MAOB: variants seen among roughly 807,000 people sequenced by gnomAD.
MAOB encodes monoamine oxidase B.
Under a neutral mutation model 41.9 loss-of-function variants are expected in MAOB, and 15 were observed. The ratio of observed to expected loss-of-function variants is 0.36; its 90% confidence interval spans 0.24 to 0.55. The LOEUF (loss-of-function observed/expected upper bound fraction) is 0.55. Among genes scored for constraint, MAOB ranks in the 20% least tolerant of loss-of-function variants. The probability of loss-of-function intolerance (pLI) is 0.86; values close to 1 mark genes in which losing one functional copy is unlikely to be tolerated. For missense variants in MAOB, 345 were observed against 398.7 expected (o/e 0.87, Z 1.15); for synonymous variants, 167 against 144.2 (o/e 1.16, Z -1.13).
At chrX:43,877,091 C>A (rs755315593) in intron 1 of MAOB, among the ~76,000 whole-genome samples, 1 of 112,329 alleles carries the variant, frequency 8.9e-6, no homozygotes, top group South Asian at 3.7e-4. Flanking sequence ...GAAATAGATA[C>A]CATTATTATC....
intron 1 of MAOB, among the ~76,000 whole-genome samples, chrX:43,867,368 C>T (rs1332397882): frequency 8.9e-6 from 1 of 111,802 alleles, no homozygotes; most frequent in Non-Finnish European, 1.9e-5. Context: ...TTTTAGAATG[C>T]CCAGTTAATA....
chrX:43,868,855 TTGTGTG>T (rs113529000), intron 1 of MAOB, among the ~76,000 whole-genome samples: 1 of 103,787 alleles, frequency 9.6e-6, no homozygotes, highest in Non-Finnish European at 2.0e-5. Flanking sequence ...ACATCAATTC[TTGTGTG>T]TGTGTGTGTG....
At chrX:43,782,015 A>T (rs182486017) in intron 8 of MAOB, among the ~76,000 whole-genome samples, 36 of 112,137 alleles carry the variant, frequency 3.2e-4, no homozygotes, top group Non-Finnish European at 1.9e-4. Context: ...TTATAGCACT[A>T]AATGCCCATA....
intron 2 of MAOB, among the ~76,000 whole-genome samples, chrX:43,842,855 A>C (rs955359386): frequency 8.9e-5 from 10 of 111,849 alleles, no homozygotes; most frequent in African/African-American, 2.6e-4. Flanking sequence ...AAACACGTTG[A>C]ATTCATAGAA....
chrX:43,786,614 T>C (rs1031985181), intron 8 of MAOB, among the ~76,000 whole-genome samples: 19 of 111,797 alleles, frequency 1.7e-4, no homozygotes, highest in African/African-American at 6.2e-4. Context: ...AGAACCATCT[T>C]AGGAATCCCC....
intron 1 of MAOB, among the ~76,000 whole-genome samples, chrX:43,853,646 A>T (rs1477715801): frequency 6.3e-5 from 7 of 111,843 alleles, no homozygotes; most frequent in Non-Finnish European, 1.3e-4. Context: ...CCCTAGACCA[A>T]CCTCACTGGT....
At chrX:43,832,214 T>C (rs2035026694) in intron 3 of MAOB, among the ~76,000 whole-genome samples, 1 of 112,061 alleles carries the variant, frequency 8.9e-6, no homozygotes, top group African/African-American at 3.2e-5. Flanking sequence ...AAAGCATTCG[T>C]AAAACTGTCG....
At chrX:43,862,681 C>T (rs917682392) in intron 1 of MAOB, among the ~76,000 whole-genome samples, 1 of 111,832 alleles carries the variant, frequency 8.9e-6, no homozygotes, top group Non-Finnish European at 1.9e-5. Flanking sequence ...AGTTGGGACA[C>T]TCACTGAATA....
In MAOB at chrX:43,795,986, C is replaced by A; in HGVS notation, c.619-98G>T. On this transcript the variant is annotated intron_variant, in intron 6 of 14. Coordinates refer to ENST00000378069, the MANE Select transcript of MAOB (RefSeq NM_000898.5). ...CATATGTCTACTCTGAGATGTCTAA[C>A]ATTTCATTTTGCTGCAGTGAATAGT... is the stretch of plus-strand genomic sequence containing the variant. The A allele has an allele frequency of 2.2e-6, 2 of 915,331 alleles. 1 individual carries two copies. The highest frequency in any genetic ancestry group is 3.0e-6 in the Non-Finnish European group (2 of 677,583). The allele number at this position is 915,331 out of a possible 1,213,427, so 75.4% of individuals were successfully genotyped here. A position where few individuals can be genotyped will look rare whatever the true frequency, so the allele number is the denominator to read the frequency against.
chrX:43,803,460 T>C, intron 3 of MAOB, 56 bp from the exon 4 acceptor site: 2 of 1,133,974 alleles, frequency 1.8e-6, no homozygotes, highest in Non-Finnish European at 2.3e-6. Context: ...TAAAAGTAGG[T>C]AATCTGCCAA....
intron 3 of MAOB, among the ~76,000 whole-genome samples, chrX:43,833,511 T>C (rs1409993847): frequency 9.0e-6 from 1 of 111,647 alleles, no homozygotes; most frequent in Non-Finnish European, 1.9e-5. Flanking sequence ...TTAGTCACCA[T>C]CTTTTGGTGA....
chrX:43,801,991 A>T (rs1253097222), intron 5 of MAOB, among the ~76,000 whole-genome samples, 181 bp downstream of exon 5: 4 of 113,163 alleles, frequency 3.5e-5, no homozygotes, highest in Admixed American at 9.3e-5. Flanking sequence ...CCAAAGAAGT[A>T]AGTTGTATGT....
chrX:43,768,449 G>A (rs968320396), intron 14 of MAOB, among the ~76,000 whole-genome samples: 1 of 110,986 alleles, frequency 9.0e-6, no homozygotes, highest in Non-Finnish European at 1.9e-5. Flanking sequence ...AATCTGTAAT[G>A]AATGTGACAG....
intron 8 of MAOB, among the ~76,000 whole-genome samples, chrX:43,783,411 G>C (rs973887453): frequency 9.0e-6 from 1 of 111,508 alleles, no homozygotes; most frequent in Admixed American, 9.5e-5. Context: ...CAAAATACAG[G>C]CACACCTCAA....
chrX:43,792,052 T>C (rs1338050607), intron 8 of MAOB, among the ~76,000 whole-genome samples: 2 of 112,562 alleles, frequency 1.8e-5, no homozygotes, highest in Admixed American at 9.4e-5. Context: ...ACCTTGGTGA[T>C]TGGCTTTATA....
At chrX:43,814,016 T>C (rs1417747424) in intron 3 of MAOB, among the ~76,000 whole-genome samples, 2 of 109,198 alleles carry the variant, frequency 1.8e-5, no homozygotes, top group African/African-American at 3.4e-5. Flanking sequence ...AAGGAGAAGG[T>C]GACAGTTGAA....
intron 8 of MAOB, 113 bp from the exon 9 acceptor site, chrX:43,781,657 A>G (rs1194254517): frequency 3.3e-5 from 13 of 393,424 alleles, no homozygotes; most frequent in Non-Finnish European, 2.1e-5. Context: ...CAAATAAAGC[A>G]TGTTATACTC....
At chrX:43,772,376 G>A (rs911552494) in intron 12 of MAOB, among the ~76,000 whole-genome samples, 1 of 111,712 alleles carries the variant, frequency 9.0e-6, no homozygotes, top group African/African-American at 3.3e-5. Flanking sequence ...CTTCTCTCAC[G>A]TGGTCAGGAT....
intron 3 of MAOB, among the ~76,000 whole-genome samples, chrX:43,809,390 T>C (rs1314450605): frequency 8.9e-6 from 1 of 112,396 alleles, no homozygotes; most frequent in Non-Finnish European, 1.9e-5. Flanking sequence ...AACCAAACAA[T>C]ATGTAAAGGA....
Sources: gnomAD v4.1 joint callset for allele counts (sites outside exome capture counted in the v4.1 genomes callset) on GRCh38, gnomAD v4.1.1 for gene constraint, MANE v1.5 for transcripts, NCBI Gene and HGNC (gene_info 2026-07-23, HGNC 2026-07-21) for gene names.